NEB: variants seen among roughly 807,000 people sequenced by gnomAD.
The protein encoded by NEB is nebulin.
NEB carries 512 observed loss-of-function variants against 952.2 expected under a neutral mutation model. That is an observed-to-expected ratio of 0.54 (90% CI 0.50 to 0.58). NEB has a LOEUF of 0.58. Ranked by LOEUF, NEB falls within the 20% of genes least tolerant of loss-of-function variation. NEB has a pLI of 0.00. For synonymous variants in NEB, 2,900 were observed against 3,149.8 expected (o/e 0.92, Z 2.66); for missense variants, 8,428 against 9,231.1 (o/e 0.91, Z 3.56).
At chr2:151,636,765 G>A (rs543954741) in intron 63 of NEB, among the ~76,000 whole-genome samples, 2 of 151,268 alleles carry the variant, frequency 1.3e-5, no homozygotes, top group African/African-American at 4.9e-5. Context: ...TGGGCAACAA[G>A]AGTGAAACTC....
intron 81 of NEB, among the ~76,000 whole-genome samples, chr2:151,608,905 CAAAAAAAAAAAAAAAA>C (rs1163520121): frequency 5.8e-5 from 2 of 34,428 alleles, no homozygotes; most frequent in Non-Finnish European, 1.1e-4. Context: ...CTCCGTCTCA[CAAAAAAAAAAAAAAAA>C]AAAAAAAAAA....
chr2:151,496,801 A>G (rs1377124813), intron 172 of NEB, 140 bp downstream of exon 172: 5 of 1,131,624 alleles, frequency 4.4e-6, no homozygotes, highest in Non-Finnish European at 1.2e-6. Flanking sequence ...GAAGTAGCCC[A>G]AAGGAAAAAA....
At chr2:151,506,339 G>T in intron 163 of NEB, 81 bp from the exon 164 acceptor site, 1 of 1,059,418 alleles carries the variant, frequency 9.4e-7, no homozygotes, top group Non-Finnish European at 1.4e-6. Flanking sequence ...AGGACACATG[G>T]CTTTTGTGAA....
intron 63 of NEB, among the ~76,000 whole-genome samples, chr2:151,637,807 G>T (rs528519532): frequency 6.6e-6 from 1 of 152,322 alleles, no homozygotes; most frequent in South Asian, 2.1e-4. Flanking sequence ...TGACAGGGGA[G>T]TAAGACTTGA....
chr2:151,633,629 C>G (rs564755487), intron 65 of NEB, 25 bp downstream of exon 65: 2 of 1,590,928 alleles, frequency 1.3e-6, no homozygotes, highest in Admixed American at 3.4e-5. Context: ...CTATGCACAG[C>G]TCCATTTATA....
At chr2:151,699,744 T>A (rs1235337853) in intron 13 of NEB, among the ~76,000 whole-genome samples, 2 of 131,786 alleles carry the variant, frequency 1.5e-5, no homozygotes, top group African/African-American at 5.8e-5. Context: ...TTTGAGTTCA[T>A]TGTAGATTCT....
chr2:151,570,877 A>G (rs951896293), intron 107 of NEB, among the ~76,000 whole-genome samples: 1 of 152,172 alleles, frequency 6.6e-6, no homozygotes, highest in African/African-American at 2.4e-5. Context: ...TAGTAGGTAT[A>G]TACATATTTA....
At chr2:151,547,861 T>G in intron 131 of NEB, 123 bp from the exon 132 acceptor site, 1 of 681,192 alleles carries the variant, frequency 1.5e-6, no homozygotes, top group Non-Finnish European at 2.5e-6. Context: ...ATATAGAAAA[T>G]GATTGAGATT....
chr2:151,655,339 G>T lies in NEB; in HGVS notation c.6738C>A (p.Thr2246=). ...LYTIDWNKDK[T]KIHVMPDTPD... is the part of the protein sequence containing the mutation. ...GTGTATCAGGCATCACATGAATCTT[G>T]GTCTTATCTTTATTCCAATCAATGG... Residue 2246 remains threonine (T), a synonymous_variant, in exon 51 of 182, where the codon ACC becomes ACA. Coordinates refer to ENST00000397345, the MANE Select transcript of NEB (RefSeq NM_001164508.2). 6.3e-7 allele frequency: 1 copy of T among 1,599,592 alleles called. No homozygotes were observed. The highest frequency in any genetic ancestry group is 1.1e-5 in the South Asian group (1 of 89,486).
intron 10 of NEB, among the ~76,000 whole-genome samples, chr2:151,713,934 C>T (rs143607363): frequency 5.6e-4 from 85 of 152,194 alleles, no homozygotes; most frequent in African/African-American, 1.9e-3. Flanking sequence ...GAACTGGGAG[C>T]TGTAAGAAAA....
chr2:151,518,177 G>A, intron 156 of NEB, 141 bp downstream of exon 156: 3 of 691,760 alleles, frequency 4.3e-6, no homozygotes, highest in Non-Finnish European at 7.9e-6. Context: ...ATAAGAATTT[G>A]TTTCAAAAAG....
At chr2:151,545,049 C>T (rs560490281) in intron 135 of NEB, among the ~76,000 whole-genome samples, 16 of 152,314 alleles carry the variant, frequency 1.1e-4, no homozygotes, top group African/African-American at 3.8e-4. Context: ...AAGGAACCAA[C>T]ACTCTAGGTG....
At chr2:151,694,700 G>A in intron 18 of NEB, 71 bp from the exon 19 acceptor site, 2 of 1,113,266 alleles carry the variant, frequency 1.8e-6, no homozygotes, top group South Asian at 1.3e-5. Flanking sequence ...AGACTAGTGG[G>A]TAACTAAATA....
chr2:151,698,119 G>A (rs1411253366), intron 13 of NEB, among the ~76,000 whole-genome samples: 1 of 151,994 alleles, frequency 6.6e-6, no homozygotes, highest in Non-Finnish European at 1.5e-5. Flanking sequence ...CCTGACAATC[G>A]AACACGGAAT....
Position 151,627,165 on chromosome 2 carries a change from C to A in NEB, c.10184G>T (p.Gly3395Val). ...KSDLQWLRGI[G>V]WVPIGSMDVV... Reference sequence around the variant, plus strand: ...ATCCATAGACCCAATGGGGACCCAGCCAATGCCTCTCAGCCACTGGAGATC... The same window carrying A: ...ATCCATAGACCCAATGGGGACCCAGACAATGCCTCTCAGCCACTGGAGATC... Residue 3395 changes from glycine to valine, a missense_variant, in exon 70 of 182, where the codon GGC becomes GTC. By Grantham distance (109) the Gly-to-Val change is moderately radical. This residue lies in a region of NEB where 1,772 missense variants were observed against 1,960.3 expected (regional missense o/e 0.90). Transcript: ENST00000397345. The A allele has an allele frequency of 6.2e-7, 1 of 1,613,926 alleles. No individual in the cohort carries two copies. The highest frequency in any genetic ancestry group is 8.5e-7 in the Non-Finnish European group (1 of 1,179,866).
At chr2:151,557,563 C>A (rs1233044416) in intron 124 of NEB, among the ~76,000 whole-genome samples, 1 of 151,924 alleles carries the variant, frequency 6.6e-6, no homozygotes, top group African/African-American at 2.4e-5. Context: ...GAGACACAAC[C>A]AAAAAAGAGA....
At chr2:151,527,638 A>G in intron 146 of NEB, 53 bp from the exon 147 acceptor site, 2 of 1,306,420 alleles carry the variant, frequency 1.5e-6, no homozygotes, top group East Asian at 2.4e-5. Context: ...CTAAATTCAT[A>G]AACACACACA....
intron 124 of NEB, among the ~76,000 whole-genome samples, chr2:151,559,008 A>C (rs1427099579): frequency 6.6e-6 from 1 of 152,232 alleles, no homozygotes; most frequent in Non-Finnish European, 1.5e-5. Flanking sequence ...AAGGCAACCT[A>C]CAGAATGGGA....
chr2:151,646,728 C>A (rs144841789), intron 54 of NEB, among the ~76,000 whole-genome samples: 1 of 151,646 alleles, frequency 6.6e-6, no homozygotes, highest in African/African-American at 2.4e-5. Context: ...TGGCTCACTG[C>A]AACCTCTGCC....
Sources: gnomAD v4.1 joint callset for allele counts (sites outside exome capture counted in the v4.1 genomes callset) on GRCh38, gnomAD v4.1.1 for gene constraint, gnomAD v4.1.1 regional missense constraint, MANE v1.5 for transcripts, NCBI Gene and HGNC (gene_info 2026-07-23, HGNC 2026-07-21) for gene names.